The following SAMD4A variants were observed in gnomAD, a reference collection of about 807,000 sequenced individuals.
SAMD4A encodes sterile alpha motif domain containing 4A, also known as protein Smaug homolog 1.
SAMD4A carries 33 observed loss-of-function variants against 81.3 expected under a neutral mutation model. The observed-to-expected ratio is 0.41, with a 90% CI of 0.31 to 0.54. The LOEUF is 0.54. Among genes scored for constraint, SAMD4A ranks in the 20% least tolerant of loss-of-function variants. SAMD4A has a pLI of 0.37. For missense variants in SAMD4A, 854 were observed against 951.1 expected, an observed-to-expected ratio of 0.90 and a Z score of 1.34; for synonymous variants, 389 against 382.1, an observed-to-expected ratio of 1.02 and a Z score of -0.21.
intron 2 of SAMD4A, among the ~76,000 whole-genome samples, chr14:54,589,868 T>A (rs1170429106): frequency 6.6e-6 from 1 of 152,202 alleles, no homozygotes; most frequent in African/African-American, 2.4e-5. Flanking sequence ...GGTCTCTGCT[T>A]ATATGTCTCC....
At chr14:54,748,763 TTCTCATTCCC>T (rs1322133333) in intron 4 of SAMD4A, 42 bp from the exon 5 acceptor site, 8 of 1,262,494 alleles carry the variant, frequency 6.3e-6, no homozygotes, top group Non-Finnish European at 9.0e-6. Flanking sequence ...TCGTCATCTC[TTCTCATTCCC>T]TCTCATTTCT....
chr14:54,707,702 G>A (rs2036893781), intron 3 of SAMD4A, among the ~76,000 whole-genome samples: 1 of 152,104 alleles, frequency 6.6e-6, no homozygotes, highest in East Asian at 1.9e-4. Flanking sequence ...TGAGAAAGTG[G>A]GGTGTGAGCA....
chr14:54,609,755 C>T (rs929119700), intron 2 of SAMD4A, among the ~76,000 whole-genome samples: 2 of 152,138 alleles, frequency 1.3e-5, no homozygotes, highest in African/African-American at 2.4e-5. Flanking sequence ...TCTTGACTGT[C>T]GAAAAAAGTA....
intron 4 of SAMD4A, among the ~76,000 whole-genome samples, chr14:54,747,692 G>A (rs1327140365): frequency 6.6e-6 from 1 of 152,204 alleles, no homozygotes; most frequent in African/African-American, 2.4e-5. Flanking sequence ...TAGGCTGTTT[G>A]GTCCTCATTT....
Position 54,737,271 on chromosome 14 carries a change from A to C in SAMD4A, c.963A>C (p.Glu321Asp), listed in dbSNP as rs2037719798. 2.5e-6 allele frequency: 4 copies of C among 1,614,098 alleles called. No individual in the cohort carries two copies. The highest frequency in any genetic ancestry group is 3.4e-6 in the Non-Finnish European group (4 of 1,179,996). ...QTTARNTFQE[E>D]GSGMKDVPAW... is the part of the protein sequence containing the mutation. ...CTGCTCGTAACACATTCCAAGAAGAAGGTAGTGGGATGAAAGGTGAGTGAC... is the reference window on the plus strand; with the variant it reads ...CTGCTCGTAACACATTCCAAGAAGACGGTAGTGGGATGAAAGGTGAGTGAC... The change falls in exon 4 of 13, where the codon GAA becomes GAC. Residue 321 changes from glutamate to aspartate, a missense_variant. By Grantham distance (45) the Glu-to-Asp change is conservative. Coordinates refer to ENST00000554335, the MANE Select transcript of SAMD4A (RefSeq NM_015589.6).
At chr14:54,567,067 G>A (rs1594670238), upstream of SAMD4A, 1 of 152,912 alleles carries the variant, frequency 6.5e-6, no homozygotes, top group East Asian at 1.9e-4. Flanking sequence ...AAGGAACTCG[G>A]GCTGCCGCTG....
At chr14:54,608,301 G>A (rs1016145698) in intron 2 of SAMD4A, among the ~76,000 whole-genome samples, 1 of 152,130 alleles carries the variant, frequency 6.6e-6, no homozygotes. Context: ...AAAGCACTTG[G>A]TGCTCTGTGG....
At chr14:54,708,570 G>A (rs2036913101) in intron 3 of SAMD4A, among the ~76,000 whole-genome samples, 1 of 152,170 alleles carries the variant, frequency 6.6e-6, no homozygotes, top group Non-Finnish European at 1.5e-5. Flanking sequence ...GAAGGCCAAG[G>A]CCCCCAGGCC....
At chr14:54,704,197 A>G (rs761110081) in intron 3 of SAMD4A, among the ~76,000 whole-genome samples, 3 of 152,234 alleles carry the variant, frequency 2.0e-5, no homozygotes, top group East Asian at 1.9e-4. Context: ...TTCACAGACT[A>G]TAATCCAGCA....
chr14:54,740,870 G>A (rs1052357602), intron 4 of SAMD4A, among the ~76,000 whole-genome samples: 6 of 152,196 alleles, frequency 3.9e-5, no homozygotes, highest in Admixed American at 2.0e-4. Flanking sequence ...TATGGTTTAA[G>A]TAGACTTCAA....
At chr14:54,767,313 G>A (rs1314904466) in intron 8 of SAMD4A, among the ~76,000 whole-genome samples, 1 of 152,136 alleles carries the variant, frequency 6.6e-6, no homozygotes, top group Non-Finnish European at 1.5e-5. Context: ...CTGTTCCTTA[G>A]CTGGCTGGGA....
chr14:54,671,832 C>A (rs116930794), intron 2 of SAMD4A, among the ~76,000 whole-genome samples: 1 of 152,066 alleles, frequency 6.6e-6, no homozygotes, highest in Non-Finnish European at 1.5e-5. Context: ...TGAATTGACA[C>A]CTCAGGGAAG....
intron 2 of SAMD4A, among the ~76,000 whole-genome samples, chr14:54,659,330 A>C (rs1395466455): frequency 6.6e-6 from 1 of 152,172 alleles, no homozygotes; most frequent in Non-Finnish European, 1.5e-5. Flanking sequence ...TCAGTCTCAC[A>C]GTTCCTGAGC....
chr14:54,634,246 G>A (rs1019395661), intron 2 of SAMD4A, among the ~76,000 whole-genome samples: 24 of 134,468 alleles, frequency 1.8e-4, no homozygotes, highest in South Asian at 8.1e-4. Flanking sequence ...AGATCATGCC[G>A]CTGCACTCCA....
Position 54,760,388 on chromosome 14 carries a change from C to A in SAMD4A, c.1404C>A (p.Ser468Arg), listed in dbSNP as rs754419960. Residue 468 changes from serine to arginine, a missense_variant, in exon 7 of 13, where the codon AGC becomes AGA. Transcript: ENST00000554335. ...GATATPSAGA[S>R]GGLQPHQLSS... ...CGGCCACCCCCTCGGCCGGGGCCAG[C>A]GGGGGGCTCCAGCCGCACCAGCTGA... is the stretch of plus-strand genomic sequence containing the variant. The A allele has an allele frequency of 4.7e-6, 7 of 1,504,928 alleles. No individual in the cohort carries two copies. The highest frequency in any genetic ancestry group is 1.3e-5 in the South Asian group (1 of 77,666). The allele number at this position is 1,504,928 out of a possible 1,614,324, so 93.2% of individuals were successfully genotyped here. A position where few individuals can be genotyped will look rare whatever the true frequency, so the allele number is the denominator to read the frequency against.
At chr14:54,573,812 G>A (rs1483832813) in intron 2 of SAMD4A, among the ~76,000 whole-genome samples, 2 of 152,184 alleles carry the variant, frequency 1.3e-5, no homozygotes, top group African/African-American at 2.4e-5. Flanking sequence ...GCCTAGAGTC[G>A]AGGCTTGGGC....
intron 3 of SAMD4A, among the ~76,000 whole-genome samples, chr14:54,723,638 A>G (rs770790399): frequency 6.6e-6 from 1 of 152,262 alleles, no homozygotes; most frequent in Non-Finnish European, 1.5e-5. Context: ...AGTGTTACTT[A>G]GAATATTAAC....
chr14:54,692,621 T>C (rs991562259), intron 2 of SAMD4A, among the ~76,000 whole-genome samples: 2 of 152,114 alleles, frequency 1.3e-5, no homozygotes, highest in Non-Finnish European at 2.9e-5. Context: ...TGTCACTCTG[T>C]GGTGTGTGGG....
chr14:54,748,929 G>A lies in SAMD4A; in HGVS notation c.1089+5G>A, dbSNP rs1316151745. 1 of 1,544,980 alleles carries A rather than the reference G, an allele frequency of 6.5e-7. No individual in the cohort carries two copies. On this transcript the variant is annotated splice_donor_5th_base_variant and intron_variant, in intron 5 of 12. Coordinates refer to ENST00000554335, the MANE Select transcript of SAMD4A (RefSeq NM_015589.6). The stretch of plus-strand genomic sequence containing the variant: ...GAGTGCCAGCTGGAGGCGCAGGTAT[G>A]TGCTTGAGGTGACTGTTCCCTGAGA...
Sources: allele counts gnomAD v4.1 joint callset (sites outside exome capture counted in the v4.1 genomes callset), GRCh38; gene constraint gnomAD v4.1.1; transcripts MANE v1.5; gene names NCBI Gene and HGNC (gene_info 2026-07-23, HGNC 2026-07-21).